HOMER2: variants seen among roughly 807,000 people sequenced by gnomAD.
The protein encoded by HOMER2 is homer scaffold protein 2, also known as homer protein homolog 2.
Under a neutral mutation model 47.0 loss-of-function variants are expected in HOMER2, and 27 were observed. The ratio of observed to expected loss-of-function variants is 0.57; its 90% CI spans 0.42 to 0.79. The LOEUF (loss-of-function observed/expected upper bound fraction) is 0.79, where lower values mean the gene tolerates loss of function less well. HOMER2 is among the 30% of genes least tolerant of loss of function. The pLI is 0.00. For synonymous variants in HOMER2, 161 were observed against 163.8 expected (o/e 0.98, Z 0.13); for missense variants, 443 against 435.0 (o/e 1.02, Z -0.16).
In HOMER2 at chr15:82,949,501, C is replaced by A. The variant is rs57677450; in HGVS notation, c.5+3030G>T. On this transcript the variant is annotated intron_variant, in intron 1 of 8. Transcript: ENST00000450735. Reference sequence around the variant, plus strand: ...GTGAGGTGAGGCTGAGATCTGGCAACCCCCTGGTCACCCAAGACCCTGGCA... The same window carrying A: ...GTGAGGTGAGGCTGAGATCTGGCAAACCCCTGGTCACCCAAGACCCTGGCA... Among the ~76,000 whole-genome samples, 681 of 152,182 alleles carry A rather than the reference C, an allele frequency of 4.5e-3. 11 individuals carry two copies. Among genetic ancestry groups the A allele is most frequent in the African/African-American group, 0.015 (603 of 41,488 alleles).
intron 1 of HOMER2, among the ~76,000 whole-genome samples, chr15:82,971,419 C>T (rs905206630): frequency 3.9e-5 from 6 of 152,120 alleles, no homozygotes; most frequent in African/African-American, 9.6e-5. Context: ...GATACATACA[C>T]ACACACACAC....
chr15:82,981,149 G>C (rs2030382911), intron 1 of HOMER2, among the ~76,000 whole-genome samples: 1 of 152,186 alleles, frequency 6.6e-6, no homozygotes, highest in South Asian at 2.1e-4. Flanking sequence ...AAGACACAGG[G>C]AACTGCAAGC....
intron 1 of HOMER2, among the ~76,000 whole-genome samples, chr15:82,932,366 G>A (rs576071174): frequency 4.6e-5 from 7 of 152,038 alleles, no homozygotes; most frequent in South Asian, 2.1e-4. Context: ...ATGGTGGTGC[G>A]CACCTGTAGT....
chr15:82,979,269 G>A (rs1017055635), intron 1 of HOMER2, among the ~76,000 whole-genome samples: 1 of 152,166 alleles, frequency 6.6e-6, no homozygotes, highest in African/African-American at 2.4e-5. Context: ...GGCAAGAGAT[G>A]AGACTGGACC....
chr15:82,873,580 A>T (rs2052245777), intron 3 of HOMER2, among the ~76,000 whole-genome samples: 1 of 152,150 alleles, frequency 6.6e-6, no homozygotes, highest in Non-Finnish European at 1.5e-5. Context: ...GACAGAGAGG[A>T]CGTCTCCCAT....
intron 4 of HOMER2, among the ~76,000 whole-genome samples, chr15:82,861,048 AAG>A (rs1478635641): frequency 6.6e-6 from 1 of 152,086 alleles, no homozygotes; most frequent in African/African-American, 2.4e-5. Flanking sequence ...AAAGAAAAGA[AAG>A]ACTTTTCATC....
intron 1 of HOMER2, among the ~76,000 whole-genome samples, chr15:82,927,529 A>G (rs1011862335): frequency 3.9e-5 from 6 of 152,230 alleles, no homozygotes; most frequent in Non-Finnish European, 5.9e-5. Flanking sequence ...TGCAATTTAT[A>G]TATTTTATAT....
chr15:82,923,573 C>G (rs1235213690), intron 1 of HOMER2, among the ~76,000 whole-genome samples: 2 of 151,974 alleles, frequency 1.3e-5, no homozygotes, highest in Non-Finnish European at 2.9e-5. Context: ...GTGACCAGCT[C>G]CTGCCTAGTG....
At chr15:82,951,911 A>G (rs1291991374) in intron 1 of HOMER2, 1 of 314,658 alleles carries the variant, frequency 3.2e-6, no homozygotes, top group Non-Finnish European at 4.6e-6. Flanking sequence ...GGGAAAGCTT[A>G]AATTACTTTA....
intron 1 of HOMER2, among the ~76,000 whole-genome samples, chr15:82,947,877 C>T (rs2054416367): frequency 6.6e-6 from 1 of 152,316 alleles, no homozygotes; most frequent in East Asian, 1.9e-4. Context: ...AAGATAAGGT[C>T]CTATCCTTTT....
intron 1 of HOMER2, among the ~76,000 whole-genome samples, chr15:82,935,838 C>G (rs1222397562): frequency 1.3e-5 from 2 of 152,212 alleles, no homozygotes; most frequent in African/African-American, 4.8e-5. Flanking sequence ...CCACTTTGAC[C>G]TGGAGACCTT....
chr15:82,880,185 C>A (rs553391389), intron 2 of HOMER2, among the ~76,000 whole-genome samples: 1 of 152,320 alleles, frequency 6.6e-6, no homozygotes, highest in African/African-American at 2.4e-5. Context: ...CATGCCCATT[C>A]ATTTACATAT....
chr15:82,919,612 T>C (rs1037425276), intron 1 of HOMER2, among the ~76,000 whole-genome samples: 3 of 152,214 alleles, frequency 2.0e-5, no homozygotes, highest in African/African-American at 7.2e-5. Context: ...AATTGGAACG[T>C]CCAGTACCAG....
chr15:82,978,699 TG>T (rs2030289402), intron 1 of HOMER2, among the ~76,000 whole-genome samples: 1 of 152,002 alleles, frequency 6.6e-6, no homozygotes, highest in Admixed American at 6.6e-5. Context: ...CTTGTGATAG[TG>T]GGTAAGTTCT....
intron 1 of HOMER2, among the ~76,000 whole-genome samples, chr15:82,915,770 G>C (rs1260695790): frequency 6.6e-6 from 1 of 152,084 alleles, no homozygotes; most frequent in Non-Finnish European, 1.5e-5. Flanking sequence ...GATATACAAA[G>C]ATACTTATGC....
In HOMER2 at chr15:82,899,234, T is replaced by C. The variant is rs187135902; in HGVS notation, c.6-6393A>G. ...TTTCACACATCCCAGCCAATGCATG[T>C]GCCCATCACTGGACCCAATACATCC... On this transcript the variant is annotated intron_variant, in intron 1 of 8. Coordinates refer to ENST00000450735, the MANE Select transcript of HOMER2 (RefSeq NM_004839.4). Among the ~76,000 whole-genome samples, 12 of 152,382 alleles carry C rather than the reference T, an allele frequency of 7.9e-5. No homozygotes were observed. The East Asian group carries it at 2.1e-3, about 27-fold the overall frequency.
At chr15:82,964,378 A>G (rs2054655793) in intron 1 of HOMER2, among the ~76,000 whole-genome samples, 1 of 152,262 alleles carries the variant, frequency 6.6e-6, no homozygotes. Context: ...CCATTTGGCT[A>G]GAGAGTCAGA....
intron 4 of HOMER2, among the ~76,000 whole-genome samples, chr15:82,862,942 T>G (rs574109203): frequency 6.6e-6 from 1 of 152,228 alleles, no homozygotes; most frequent in South Asian, 2.1e-4. Flanking sequence ...TTGGGCATAC[T>G]CCCTCCTGGG....
chr15:82,979,758 C>T (rs528023699), intron 1 of HOMER2, among the ~76,000 whole-genome samples: 28 of 152,180 alleles, frequency 1.8e-4, no homozygotes, highest in Admixed American at 4.6e-4. Context: ...TGCGAGGAAG[C>T]ATTCTCTGAA....
Sources: gnomAD v4.1 joint callset for allele counts (sites outside exome capture counted in the v4.1 genomes callset) on GRCh38, gnomAD v4.1.1 for gene constraint, MANE v1.5 for transcripts, NCBI Gene and HGNC (gene_info 2026-07-23, HGNC 2026-07-21) for gene names.